POLD4: variants seen among roughly 807,000 people sequenced by gnomAD.
POLD4 encodes DNA polymerase delta subunit 4.
A neutral mutation model predicts 16.5 loss-of-function variants in POLD4; 9 were observed. That is an observed-to-expected ratio of 0.55 (90% CI 0.33 to 0.95). The LOEUF is 0.95. Ranked by LOEUF, POLD4 falls within the 40% of genes least tolerant of loss-of-function variation. POLD4 has a pLI of 0.03. For synonymous variants in POLD4, 62 were observed against 57.6 expected, an observed-to-expected ratio of 1.08 and a Z score of -0.35; for missense variants, 129 against 139.7, an observed-to-expected ratio of 0.92 and a Z score of 0.39.
At chr11:67,353,594 A>G (rs976723273), upstream of POLD4, 9 of 579,116 alleles carry the variant, frequency 1.6e-5, no homozygotes, top group Admixed American at 2.7e-4. Flanking sequence ...CCCCAAAAGC[A>G]CGCAAACAGG....
chr11:67,353,557 G>T (rs1027029250), upstream of POLD4: 4 of 632,474 alleles, frequency 6.3e-6, no homozygotes, highest in Non-Finnish European at 1.1e-5. Context: ...GAAGTCGCCG[G>T]GGTCCAGGGA....
At chr11:67,352,868 G>T in intron 2 of POLD4, 66 bp from the exon 3 acceptor site, 1 of 1,405,390 alleles carries the variant, frequency 7.1e-7, no homozygotes, top group Non-Finnish European at 9.8e-7. Flanking sequence ...GCTGGAGAAT[G>T]TGTGTGTTGG....
Position 67,353,060 on chromosome 11 carries a change from G to C in POLD4, c.115C>G (p.Arg39Gly), listed in dbSNP as rs908194708. ...TCCAGCTCCGCTTCCTCCTCGTCGC[G>C]GGGCTGGGGCTCCTCCCCTGCAATG... The part of the protein sequence containing the change: ...APELGEEPQP[R>G]DEEEAELELL... The change falls in exon 2 of 4, where the codon CGC (arginine) becomes GGC (glycine). Residue 39 changes from arginine (R) to glycine (G), a missense_variant. Arg to Gly is a moderately radical substitution (Grantham distance 125). Coordinates refer to ENST00000312419, the MANE Select transcript of POLD4 (RefSeq NM_021173.5). 1 of 1,586,956 alleles carries C rather than the reference G, an allele frequency of 6.3e-7. No individual in the cohort carries two copies. The highest frequency in any genetic ancestry group is 1.1e-5 in the South Asian group (1 of 87,826).
Position 67,351,747 on chromosome 11 carries a change from G to C in POLD4, c.*248C>G, listed in dbSNP as rs763738405. On this transcript the variant is annotated 3_prime_UTR_variant, in exon 4 of 4. Coordinates refer to ENST00000312419, the MANE Select transcript of POLD4 (RefSeq NM_021173.5). The surrounding 1 kb of genome is among the most constrained non-coding windows in gnomAD (Gnocchi z 4.8). ...AGCAGGTATTGGAAGGTGATGGCCA[G>C]GTCCTTTTCCCCAGTGACCACTCTC... The C allele has an allele frequency of 9.5e-5, 48 of 503,996 alleles. No individual in the cohort carries two copies. The highest frequency in any genetic ancestry group is 1.7e-4 in the Non-Finnish European group (47 of 278,130). The allele number at this position is 503,996 out of a possible 1,614,324, so 31.2% of individuals were successfully genotyped here.
chr11:67,351,868 G>A lies in POLD4; in HGVS notation c.*127C>T. 1 of 1,032,994 alleles carries A rather than the reference G, an allele frequency of 9.7e-7. No individual in the cohort carries two copies. The highest frequency in any genetic ancestry group is 1.5e-5 in the South Asian group (1 of 68,414). The allele number at this position is 1,032,994 out of a possible 1,614,324, so 64.0% of individuals were successfully genotyped here. ...GGAGTTGAGCCTCTGACACCTCCAG[G>A]TTCTGCCTGCCAAGGGTTCCTCCGC... On this transcript the variant is annotated 3_prime_UTR_variant, in exon 4 of 4. Transcript: ENST00000312419. The surrounding 1 kb of genome is among the most constrained non-coding windows in gnomAD (Gnocchi z 4.8).
At chr11:67,352,831 A>C in intron 2 of POLD4, 29 bp from the exon 3 acceptor site, 1 of 1,537,556 alleles carries the variant, frequency 6.5e-7, no homozygotes. Context: ...GACTCTGGAG[A>C]CTTGTGGGGG....
intron 3 of POLD4, 127 bp downstream of exon 3, chr11:67,352,564 A>T: frequency 1.5e-6 from 1 of 648,152 alleles, no homozygotes; most frequent in Non-Finnish European, 2.7e-6. Context: ...ACCTCATAGA[A>T]TCTTCTTGCC....
chr11:67,351,396 A>G lies in POLD4; in HGVS notation c.*599T>C, dbSNP rs918772387. On this transcript the variant is annotated 3_prime_UTR_variant, in exon 4 of 4. Transcript: ENST00000312419. The surrounding 1 kb of genome is among the most constrained non-coding windows in gnomAD (Gnocchi z 4.8). ...CACCAGAGGTCGCTCAGCTCTTCCG[A>G]GGACTTGATCCGTCTCAAGATGACT... 1.3e-5 allele frequency: 2 copies of G among 152,298 alleles called. No homozygotes were observed. The highest frequency in any genetic ancestry group is 1.3e-4 in the Admixed American group (2 of 15,280). 9.4% of individuals were successfully genotyped at this position (152,298 alleles called of 1,614,324 possible).
chr11:67,352,485 G>C (rs1277118656), intron 3 of POLD4: 13 of 506,194 alleles, frequency 2.6e-5, no homozygotes, highest in Non-Finnish European at 4.2e-5. Flanking sequence ...ACTCCAGCCT[G>C]GGCAACAGAG....
In POLD4 at chr11:67,351,920, T is replaced by C. The variant is rs1861875345; in HGVS notation, c.*75A>G. ...GCCGGGCTGAGCTGAGCAGGAGCAATGGGCTCTCGCTTCTGTCCTGAGGTT... is the reference window on the plus strand; with the variant it reads ...GCCGGGCTGAGCTGAGCAGGAGCAACGGGCTCTCGCTTCTGTCCTGAGGTT... On this transcript the variant is annotated 3_prime_UTR_variant, in exon 4 of 4. Coordinates refer to ENST00000312419, the MANE Select transcript of POLD4 (RefSeq NM_021173.5). This position sits in a 1 kb window ranked among gnomAD's most constrained non-coding sequence, Gnocchi z 4.8. 1.5e-5 allele frequency: 22 copies of C among 1,486,998 alleles called. No homozygotes were observed. The highest frequency in any genetic ancestry group is 1.6e-5 in the Non-Finnish European group (17 of 1,087,132). 92.1% of individuals were successfully genotyped at this position (1,486,998 alleles called of 1,614,324 possible). A position where few individuals can be genotyped will look rare whatever the true frequency, so the allele number is the denominator to read the frequency against.
At position 67,353,331 on chromosome 11, in the gene POLD4, G is replaced by A. The variant is rs1861920420; in HGVS notation, c.69C>T (p.His23=). ...VVKRREGPAG[H]SKGELAPELG... is the part of the protein sequence containing the mutation. ...GCTCGGGTGCCAGCTCCCCCTTGCT[G>A]TGCCCAGCGGGCCCCTCCCTCCTCT... Residue 23 remains histidine, a synonymous_variant, in exon 1 of 4, where the codon CAC becomes CAT. Transcript: ENST00000312419. 6.2e-7 allele frequency: 1 copy of A among 1,612,188 alleles called. No individual in the cohort carries two copies. The highest frequency in any genetic ancestry group is 8.5e-7 in the Non-Finnish European group (1 of 1,179,984).
intron 3 of POLD4, 122 bp from the exon 4 acceptor site, chr11:67,352,141 TG>T: frequency 1.3e-6 from 1 of 784,692 alleles, no homozygotes; most frequent in Non-Finnish European, 2.1e-6. Flanking sequence ...CCATAGTCCT[TG>T]GGAAACCCCT....
Position 67,353,391 on chromosome 11 carries a change from C to T in POLD4, c.9G>A (p.Arg3=). The T allele has an allele frequency of 6.2e-7, 1 of 1,611,246 alleles. No individual in the cohort carries two copies. The highest frequency in any genetic ancestry group is 8.5e-7 in the Non-Finnish European group (1 of 1,179,878). Residue 3 remains arginine, a synonymous_variant, in exon 1 of 4, where the codon CGG becomes CGA. Coordinates refer to ENST00000312419, the MANE Select transcript of POLD4 (RefSeq NM_021173.5). MG[R]KRLITDSYPV... is the part of the protein sequence containing the mutation. Reference sequence around the variant, plus strand: ...GGTAGGAATCAGTGATGAGCCGCTTCCGGCCCATGGCGGCCACCCAGGCAG... The same window carrying T: ...GGTAGGAATCAGTGATGAGCCGCTTTCGGCCCATGGCGGCCACCCAGGCAG...
At chr11:67,352,150 CCT>C in intron 3 of POLD4, 131 bp from the exon 4 acceptor site, 1 of 730,446 alleles carries the variant, frequency 1.4e-6, no homozygotes, top group East Asian at 2.7e-5. Flanking sequence ...TTGGGAAACC[CCT>C]CAGTTCTAAA....
intron 1 of POLD4, 31 bp downstream of exon 1, chr11:67,353,272 A>T: frequency 6.3e-7 from 1 of 1,592,048 alleles, no homozygotes; most frequent in Non-Finnish European, 8.5e-7. Flanking sequence ...CTCCGTGTCC[A>T]CTCCTCCTGC....
chr11:67,353,361 A>C lies in POLD4; in HGVS notation c.39T>G (p.Val13=). The C allele has an allele frequency of 1.2e-6, 2 of 1,612,436 alleles. No individual in the cohort carries two copies. Among genetic ancestry groups the C allele is most frequent in the Non-Finnish European group, 1.7e-6 (2 of 1,179,986 alleles). ...CAGCGGGCCCCTCCCTCCTCTTCACAACCGGGTAGGAATCAGTGATGAGCC... is the reference window on the plus strand; with the variant it reads ...CAGCGGGCCCCTCCCTCCTCTTCACCACCGGGTAGGAATCAGTGATGAGCC... ...RKRLITDSYP[V]VKRREGPAGH... Residue 13 remains valine (V), a synonymous_variant, in exon 1 of 4, where the codon GTT becomes GTG. Transcript: ENST00000312419.
chr11:67,353,259 C>A lies in POLD4; in HGVS notation c.97+44G>T, dbSNP rs748518077. 8 of 1,590,368 alleles carry A rather than the reference C, an allele frequency of 5.0e-6. No homozygotes were observed. The Admixed American group carries it at 8.6e-5, about 17-fold the overall frequency. Reference sequence around the variant, plus strand: ...CGCCCCTCTAGGGGCCTCCTCTAGGCCCCTCCGTGTCCACTCCTCCTGCCT... The same window carrying A: ...CGCCCCTCTAGGGGCCTCCTCTAGGACCCTCCGTGTCCACTCCTCCTGCCT... On this transcript the variant is annotated intron_variant, in intron 1 of 3. Coordinates refer to ENST00000312419, the MANE Select transcript of POLD4 (RefSeq NM_021173.5).
rs34351407 is a variant in POLD4, at chr11:67,353,015, G to A, written c.160C>T (p.Leu54=). The change falls in exon 2 of 4, where the codon CTG becomes TTG. Residue 54 remains leucine (L), a synonymous_variant. Transcript: ENST00000312419. ...GTGCAGGGCCCGTACTGCCAGGCCA[G>A]GTCAAACTGCCTCAGCAGCTCCAGC... The part of the protein sequence containing the change: ...AELELLRQFD[L]AWQYGPCTGI... The A allele has an allele frequency of 6.3e-7, 1 of 1,586,870 alleles. No homozygotes were observed. Among genetic ancestry groups the A allele is most frequent in the South Asian group, 1.1e-5 (1 of 87,606 alleles).
chr11:67,353,211 C>G (rs973321580), intron 1 of POLD4, 92 bp downstream of exon 1: 2 of 1,536,612 alleles, frequency 1.3e-6, no homozygotes, highest in Non-Finnish European at 1.8e-6. Flanking sequence ...GACAGGCCAC[C>G]TTTCCCTTTC....
Sources: allele counts gnomAD v4.1 joint callset, GRCh38; gene constraint gnomAD v4.1.1; non-coding constraint Gnocchi (gnomAD v3.1); transcripts MANE v1.5; gene names NCBI Gene and HGNC (gene_info 2026-07-23, HGNC 2026-07-21).